The following FLVCR2 variants were observed in gnomAD, a reference collection of about 807,000 sequenced individuals.
FLVCR2 encodes the protein choline/ethanolamine transporter FLVCR2.
Under a neutral mutation model 48.9 loss-of-function variants are expected in FLVCR2, and 38 were observed. The observed-to-expected ratio is 0.78, with a 90% confidence interval of 0.60 to 1.02. FLVCR2 has a LOEUF of 1.02. Ranked by LOEUF, FLVCR2 falls within the 50% of genes least tolerant of loss-of-function variation. FLVCR2 has a pLI of 0.00. For missense variants in FLVCR2, 664 were observed against 663.3 expected (o/e 1.00, Z -0.01); for synonymous variants, 255 against 257.0 (o/e 0.99, Z 0.07).
At chr14:75,604,029 A>C (rs762124628) in intron 1 of FLVCR2, 3 of 152,272 alleles carry the variant, frequency 2.0e-5, no homozygotes, top group Non-Finnish European at 4.4e-5. Context: ...GTTAACTGAG[A>C]GTTCAGGTGG....
At chr14:75,635,821 G>A (rs756531560) in intron 5 of FLVCR2, among the ~76,000 whole-genome samples, 1 of 152,072 alleles carries the variant, frequency 6.6e-6, no homozygotes, top group Non-Finnish European at 1.5e-5. Flanking sequence ...CTGGGTTCAC[G>A]CCACTGCACT....
At chr14:75,634,561 A>C (rs1890119354) in intron 4 of FLVCR2, among the ~76,000 whole-genome samples, 1 of 152,236 alleles carries the variant, frequency 6.6e-6, no homozygotes, top group Non-Finnish European at 1.5e-5. Flanking sequence ...TAACATATAT[A>C]TTTTAAATTC....
At chr14:75,588,548 T>G (rs948132190) in intron 1 of FLVCR2, among the ~76,000 whole-genome samples, 1 of 152,204 alleles carries the variant, frequency 6.6e-6, no homozygotes, top group Admixed American at 6.5e-5. Flanking sequence ...ACAGACAGCA[T>G]CTTGGCTCAC....
intron 1 of FLVCR2, chr14:75,595,974 G>A (rs1889009096): frequency 6.6e-7 from 1 of 1,518,146 alleles, no homozygotes; most frequent in East Asian, 2.3e-5. Flanking sequence ...ATAATCCAGG[G>A]GATCATAAAT....
chr14:75,611,606 C>T (rs1229505286), intron 1 of FLVCR2, among the ~76,000 whole-genome samples: 2 of 151,528 alleles, frequency 1.3e-5, no homozygotes, highest in African/African-American at 4.9e-5. Context: ...GTGTGTTGGG[C>T]GCATGTCTGT....
In FLVCR2 at chr14:75,634,779, C is replaced by T. The variant is rs45592848; in HGVS notation, c.1021-131C>T. On this transcript the variant is annotated intron_variant, in intron 4 of 9. Transcript: ENST00000238667. Reference sequence around the variant, plus strand: ...AATTTTCTCCTAGGCCATCTTGTCCCGATATGTTCTGAATATTGACTCTGA... The same window carrying T: ...AATTTTCTCCTAGGCCATCTTGTCCTGATATGTTCTGAATATTGACTCTGA... 8.1e-3 allele frequency: 5,477 copies of T among 679,272 alleles called. 40 individuals carry two copies. Among genetic ancestry groups the T allele is most frequent in the Non-Finnish European group, 9.6e-3 (3,553 of 370,322 alleles). 42.1% of individuals were successfully genotyped at this position (679,272 alleles called of 1,614,324 possible).
intron 1 of FLVCR2, among the ~76,000 whole-genome samples, chr14:75,594,362 A>G (rs754180086): frequency 6.6e-6 from 1 of 152,146 alleles, no homozygotes; most frequent in African/African-American, 2.4e-5. Flanking sequence ...TGATCCTCCA[A>G]ATTCTTCCAC....
At chr14:75,612,118 GA>G (rs1210517613) in intron 1 of FLVCR2, among the ~76,000 whole-genome samples, 1 of 151,772 alleles carries the variant, frequency 6.6e-6, no homozygotes, top group African/African-American at 2.4e-5. Context: ...CCCCCCAAAA[GA>G]AAAAAATTAA....
intron 3 of FLVCR2, among the ~76,000 whole-genome samples, chr14:75,632,405 C>T (rs890080332): frequency 1.3e-5 from 2 of 152,168 alleles, no homozygotes; most frequent in Non-Finnish European, 2.9e-5. Context: ...GGAAGCCATT[C>T]TTTGTGCTTC....
In FLVCR2 at chr14:75,622,245, G is replaced by A. The variant is rs1005111932; in HGVS notation, c.811+25G>A. 5 of 1,612,948 alleles carry A rather than the reference G, an allele frequency of 3.1e-6. No homozygotes were observed. In the African/African-American group the frequency reaches 4.0e-5, roughly 13 times the overall value. On this transcript the variant is annotated intron_variant, in intron 2 of 9. Transcript: ENST00000238667. ...GGTAAGGTCATTAGTAAACAGATGG[G>A]GTAGCAGGGGGCGAAGGGGCAGGGA...
chr14:75,615,904 G>A (rs1298349854), intron 1 of FLVCR2, among the ~76,000 whole-genome samples: 3 of 150,614 alleles, frequency 2.0e-5, no homozygotes, highest in Non-Finnish European at 4.4e-5. Flanking sequence ...GCGGGAACCT[G>A]TAATCCCAGC....
chr14:75,607,386 A>G (rs1889321134), intron 1 of FLVCR2, among the ~76,000 whole-genome samples: 1 of 152,092 alleles, frequency 6.6e-6, no homozygotes, highest in Non-Finnish European at 1.5e-5. Context: ...TATTTGAGCA[A>G]ACAGTGATTC....
At chr14:75,608,341 C>T (rs573246535) in intron 1 of FLVCR2, among the ~76,000 whole-genome samples, 9 of 152,292 alleles carry the variant, frequency 5.9e-5, no homozygotes, top group Middle Eastern at 3.4e-3. Flanking sequence ...CTGAGCTGTT[C>T]GGCGGCTCCA....
chr14:75,620,610 C>A (rs1403008585), intron 1 of FLVCR2, among the ~76,000 whole-genome samples: 1 of 152,180 alleles, frequency 6.6e-6, no homozygotes, highest in Admixed American at 6.5e-5. Context: ...TTATTAAGCT[C>A]CTTGAAGGCA....
chr14:75,614,808 G>T (rs1889565080), intron 1 of FLVCR2, among the ~76,000 whole-genome samples: 1 of 152,184 alleles, frequency 6.6e-6, no homozygotes, highest in African/African-American at 2.4e-5. Context: ...GGGGAAACAG[G>T]CACATCTTAC....
chr14:75,587,040 A>G (rs1164831483), intron 1 of FLVCR2, among the ~76,000 whole-genome samples: 1 of 152,144 alleles, frequency 6.6e-6, no homozygotes, highest in Non-Finnish European at 1.5e-5. Flanking sequence ...CCTAATTGCT[A>G]TGGGAAAGGC....
chr14:75,601,148 G>A (rs1264568293), intron 1 of FLVCR2, among the ~76,000 whole-genome samples: 1 of 152,234 alleles, frequency 6.6e-6, no homozygotes, highest in Non-Finnish European at 1.5e-5. Context: ...TTAACTAAAA[G>A]TATCCCATAT....
chr14:75,579,080 TCCCAGCGTCTCCATCAAC>T lies in FLVCR2; in HGVS notation c.120_137del (p.Ile41_Ser46del), dbSNP rs753823415. 1.4e-5 allele frequency: 23 copies of T among 1,612,082 alleles called. No individual in the cohort carries two copies. Among genetic ancestry groups the T allele is most frequent in the African/African-American group, 2.7e-5 (2 of 74,706 alleles). ...CGGTCCATCCCAGCGTCTCGGTCCATCCCAGCGTCTCCATCAACCCCAGCGTCTCTGTCCACCCCAGCA... is the reference window on the plus strand; with the variant it reads ...CGGTCCATCCCAGCGTCTCGGTCCATCCCAGCGTCTCTGTCCACCCCAGCA... On this transcript the variant is annotated inframe_deletion, in exon 1 of 10. Coordinates refer to ENST00000238667, the MANE Select transcript of FLVCR2 (RefSeq NM_017791.3).
At chr14:75,597,109 C>T (rs1889041887) in intron 1 of FLVCR2, among the ~76,000 whole-genome samples, 1 of 151,728 alleles carries the variant, frequency 6.6e-6, no homozygotes, top group Admixed American at 6.6e-5. Flanking sequence ...TAGTGAGACC[C>T]TGTCTCCACA....
Sources: allele counts gnomAD v4.1 joint callset (sites outside exome capture counted in the v4.1 genomes callset), GRCh38; gene constraint gnomAD v4.1.1; transcripts MANE v1.5; gene names NCBI Gene and HGNC (gene_info 2026-07-23, HGNC 2026-07-21).